The following FRMD1 variants were observed in gnomAD, a reference collection of about 807,000 sequenced individuals.
FRMD1 encodes the protein FERM domain containing 1.
A neutral mutation model predicts 54.9 loss-of-function variants in FRMD1; 51 were observed. That is an observed-to-expected ratio of 0.93 (90% CI 0.74 to 1.17). FRMD1 has a LOEUF of 1.17. Ranked by LOEUF, FRMD1 falls within the 50% of genes most tolerant of loss-of-function variation. FRMD1 has a pLI of 0.00. For synonymous variants in FRMD1, 324 were observed against 306.4 expected, an observed-to-expected ratio of 1.06 and a Z score of -0.60; for missense variants, 729 against 743.0, an observed-to-expected ratio of 0.98 and a Z score of 0.22.
intron 2 of FRMD1, among the ~76,000 whole-genome samples, chr6:168,074,303 C>T (rs1459207725): frequency 1.3e-5 from 2 of 152,180 alleles, no homozygotes; most frequent in Non-Finnish European, 2.9e-5. Context: ...TGCTACTGTA[C>T]AGAGGTTTCC....
chr6:168,074,320 C>A (rs547768519), intron 2 of FRMD1, among the ~76,000 whole-genome samples: 1 of 152,234 alleles, frequency 6.6e-6, no homozygotes, highest in African/African-American at 2.4e-5. Context: ...TTCCAGAAGC[C>A]CCTGGAGCCA....
At chr6:168,074,409 G>T (rs558772670) in intron 2 of FRMD1, among the ~76,000 whole-genome samples, 1 of 152,304 alleles carries the variant, frequency 6.6e-6, no homozygotes, top group South Asian at 2.1e-4. Context: ...GTGCGTAACT[G>T]CATGTGTGTG....
In FRMD1 at chr6:168,056,854, A is replaced by T. The variant is rs1042417539; in HGVS notation, c.*243T>A. The T allele has an allele frequency of 2.6e-6, 1 of 383,690 alleles. No homozygotes were observed. The highest frequency in any genetic ancestry group is 4.6e-6 in the Non-Finnish European group (1 of 218,722). The allele number at this position is 383,690 out of a possible 1,614,324, so 23.8% of individuals were successfully genotyped here. A position where few individuals can be genotyped will look rare whatever the true frequency, so the allele number is the denominator to read the frequency against. The stretch of plus-strand genomic sequence containing the variant: ...AGCCAGACCTTGAACTGGCTCCCTG[A>T]GACCCTGAGGGAAAGAGCTCCCGGG... On this transcript the variant is annotated 3_prime_UTR_variant, in exon 11 of 11. Transcript: ENST00000283309.
At chr6:168,081,479 G>T (rs1397649854), upstream of FRMD1, 2 of 1,535,484 alleles carry the variant, frequency 1.3e-6, no homozygotes, top group African/African-American at 2.7e-5. Context: ...TCTCCTCATG[G>T]CTGAGCCCTG....
rs1799326206 is a variant in FRMD1 at position 168,053,572 on chromosome 6, T to C, written c.*3525A>G. The C allele has an allele frequency of 6.6e-6, 1 of 152,306 alleles. No individual in the cohort carries two copies. The highest frequency in any genetic ancestry group is 2.4e-5 in the African/African-American group (1 of 41,478). 9.4% of individuals were successfully genotyped at this position (152,306 alleles called of 1,614,324 possible). On this transcript the variant is annotated 3_prime_UTR_variant, in exon 11 of 11. Transcript: ENST00000283309. ...CCCCACACACCCACAGGGCCCTCAG[T>C]GCCCCTCAAGGCGAAAGGAGCGTGA...
intron 7 of FRMD1, among the ~76,000 whole-genome samples, chr6:168,062,316 C>G (rs922352404): frequency 6.6e-6 from 1 of 152,218 alleles, no homozygotes; most frequent in African/African-American, 2.4e-5. Flanking sequence ...CCCCGGCACC[C>G]GGGCTGTGGG....
chr6:168,057,753 G>A (rs957316382), intron 10 of FRMD1: 1 of 190,828 alleles, frequency 5.2e-6, no homozygotes, highest in South Asian at 9.6e-5. Context: ...ACTGTCCAAG[G>A]TCCCGTCCAG....
rs201421071 is a variant in FRMD1, at chr6:168,078,926, G to C, written c.169C>G (p.Leu57Val). Residue 57 changes from leucine to valine, a missense_variant, in exon 1 of 11, where the codon CTC becomes GTC. Physicochemically the swap from Leu to Val is conservative, Grantham distance 32 (BLOSUM62 1). Transcript: ENST00000283309. ...DAMASEHRDV[L>V]VLLPSREQLR... Reference sequence around the variant, plus strand: ...TGCTCCCGGCTGGGCAGCAGCACGAGGACATCCCTGTGTTCCGAGGCCATC... The same window carrying C: ...TGCTCCCGGCTGGGCAGCAGCACGACGACATCCCTGTGTTCCGAGGCCATC... 1.9e-6 allele frequency: 3 copies of C among 1,606,768 alleles called. No individual in the cohort carries two copies. Among genetic ancestry groups the C allele is most frequent in the Non-Finnish European group, 2.5e-6 (3 of 1,179,178 alleles).
chr6:168,081,282 A>G (rs138601044), upstream of FRMD1: 4 of 1,408,800 alleles, frequency 2.8e-6, no homozygotes, highest in African/African-American at 2.8e-5. Flanking sequence ...CAGCTCATCA[A>G]GAAGACAACT....
At chr6:168,084,981 C>A (rs994594909), upstream of FRMD1, among the ~76,000 whole-genome samples, 2 of 152,192 alleles carry the variant, frequency 1.3e-5, no homozygotes, top group Non-Finnish European at 2.9e-5. Context: ...CACTGCAGGC[C>A]CCGTGGACGT....
chr6:168,082,753 C>T (rs542056526), upstream of FRMD1, among the ~76,000 whole-genome samples: 9 of 152,326 alleles, frequency 5.9e-5, no homozygotes, highest in Non-Finnish European at 1.0e-4. Flanking sequence ...GAACAAACCA[C>T]GAAAGCCTCG....
rs1799354794 is a variant in FRMD1 at position 168,055,051 on chromosome 6, G to A, written c.*2046C>T. 1 of 152,264 alleles carries A rather than the reference G, an allele frequency of 6.6e-6. No individual in the cohort carries two copies. Among genetic ancestry groups the A allele is most frequent in the Non-Finnish European group, 1.5e-5 (1 of 68,086 alleles). 9.4% of individuals were successfully genotyped at this position (152,264 alleles called of 1,614,324 possible). ...CCTACCCGGTAGTTAACAGGCATCTGGCATAATTCTCCATGTCTGTCCACA... is the reference window on the plus strand; with the variant it reads ...CCTACCCGGTAGTTAACAGGCATCTAGCATAATTCTCCATGTCTGTCCACA... On this transcript the variant is annotated 3_prime_UTR_variant, in exon 11 of 11. Coordinates refer to ENST00000283309, the MANE Select transcript of FRMD1 (RefSeq NM_024919.6).
In FRMD1 at chr6:168,059,112, G is replaced by C. The variant is rs2269680; in HGVS notation, c.1407+12C>G. 7.4e-5 allele frequency: 115 copies of C among 1,558,008 alleles called. 2 individuals carry two copies. Among genetic ancestry groups the C allele is most frequent in the South Asian group, 6.8e-4 (58 of 85,338 alleles). Reference sequence around the variant, plus strand: ...CAGGGCCAGGGCTTCTGGCCCGTGGGGGGGACTCTACCTGGTGCACGGCCT... The same window carrying C: ...CAGGGCCAGGGCTTCTGGCCCGTGGCGGGGACTCTACCTGGTGCACGGCCT... On this transcript the variant is annotated intron_variant, in intron 10 of 10. Coordinates refer to ENST00000283309, the MANE Select transcript of FRMD1 (RefSeq NM_024919.6). The surrounding 1 kb of genome is among the most constrained non-coding windows in gnomAD (Gnocchi z 4.4).
intron 1 of FRMD1, among the ~76,000 whole-genome samples, chr6:168,090,130 G>C (rs1401267582): frequency 6.6e-6 from 1 of 151,948 alleles, no homozygotes; most frequent in Non-Finnish European, 1.5e-5. Context: ...CCACCTCCAC[G>C]TCCACCACTG....
chr6:168,064,096 C>T (rs570845747), intron 5 of FRMD1, among the ~76,000 whole-genome samples: 67 of 152,336 alleles, frequency 4.4e-4, no homozygotes, highest in Non-Finnish European at 7.3e-4. Flanking sequence ...TCACCGGGAC[C>T]GGGGTAAGAA....
At chr6:168,092,153 G>T (rs540279442) in intron 1 of FRMD1, among the ~76,000 whole-genome samples, 12 of 152,364 alleles carry the variant, frequency 7.9e-5, no homozygotes, top group African/African-American at 2.9e-4. Context: ...GCACCTGTGT[G>T]CCACAGTGCC....
At chr6:168,083,103 C>A (rs570324635), upstream of FRMD1, among the ~76,000 whole-genome samples, 2 of 152,296 alleles carry the variant, frequency 1.3e-5, no homozygotes, top group East Asian at 1.9e-4. Context: ...GACAGCCCTG[C>A]GGAAGCCACG....
At chr6:168,063,491 G>T in intron 6 of FRMD1, 110 bp downstream of exon 6, 1 of 1,269,460 alleles carries the variant, frequency 7.9e-7, no homozygotes, top group Non-Finnish European at 1.0e-6. Context: ...AGCCATGGGG[G>T]CTCCATCCAT....
In FRMD1 at chr6:168,063,743, C is replaced by G. The variant is rs373702680; in HGVS notation, c.662G>C (p.Arg221Thr). The G allele has an allele frequency of 1.9e-6, 3 of 1,612,622 alleles. No individual in the cohort carries two copies. Among genetic ancestry groups the G allele is most frequent in the Non-Finnish European group, 2.5e-6 (3 of 1,179,176 alleles). The change falls in exon 6 of 11, where the codon AGG becomes ACG. Residue 221 changes from arginine to threonine, a missense_variant. Arg to Thr is a moderately conservative substitution (Grantham distance 71). Coordinates refer to ENST00000283309, the MANE Select transcript of FRMD1 (RefSeq NM_024919.6). ...SYFPQWIITK[R>T]GIDYILRHMP... ...GTGCCGGAGGATGTAGTCAATCCCC[C>G]TCTTGGTGATGATCTGAGGACAGAG... is the stretch of plus-strand genomic sequence containing the variant.
Sources: gnomAD v4.1 joint callset for allele counts (sites outside exome capture counted in the v4.1 genomes callset) on GRCh38, gnomAD v4.1.1 for gene constraint, Gnocchi (gnomAD v3.1) non-coding constraint, MANE v1.5 for transcripts, NCBI Gene and HGNC (gene_info 2026-07-23, HGNC 2026-07-21) for gene names.